The following GABBR2 variants were observed in gnomAD, a reference collection of about 807,000 sequenced individuals.
GABBR2 encodes G-protein coupled receptor 51.
Under a neutral mutation model 105.6 loss-of-function variants are expected in GABBR2, and 23 were observed. That is an observed-to-expected ratio of 0.22 (90% confidence interval 0.16 to 0.31). The LOEUF (loss-of-function observed/expected upper bound fraction) is 0.31, where lower values mean the gene tolerates loss of function less well. Ranked by LOEUF, GABBR2 falls within the 10% of genes least tolerant of loss-of-function variation. The pLI is 1.00. For synonymous variants in GABBR2, 478 were observed against 499.7 expected, an observed-to-expected ratio of 0.96 and a Z score of 0.58; for missense variants, 734 against 1,245.5, an observed-to-expected ratio of 0.59 and a Z score of 6.18.
chr9:98,561,296 A>G (rs947108944), intron 2 of GABBR2, among the ~76,000 whole-genome samples: 2 of 15,702 alleles, frequency 1.3e-4, no homozygotes, highest in African/African-American at 1.7e-3. Flanking sequence ...ATTCCACTGA[A>G]AAAAAAAAAC....
At chr9:98,404,948 G>C (rs1454170147) in intron 8 of GABBR2, among the ~76,000 whole-genome samples, 1 of 152,082 alleles carries the variant, frequency 6.6e-6, no homozygotes, top group Non-Finnish European at 1.5e-5. Context: ...AGATGATCAG[G>C]GGATCCACAC....
intron 6 of GABBR2, among the ~76,000 whole-genome samples, chr9:98,466,975 G>T (rs1353889178): frequency 1.3e-5 from 2 of 152,046 alleles, no homozygotes; most frequent in Non-Finnish European, 2.9e-5. Flanking sequence ...ATGGCTACTA[G>T]AAATCCAGCC....
intron 13 of GABBR2, among the ~76,000 whole-genome samples, chr9:98,324,874 C>A (rs1382261919): frequency 6.6e-6 from 1 of 152,144 alleles, no homozygotes; most frequent in Non-Finnish European, 1.5e-5. Context: ...GTTCTCAACT[C>A]ATCTCTCATA....
chr9:98,358,745 T>C (rs1831531593), intron 13 of GABBR2, among the ~76,000 whole-genome samples: 1 of 152,150 alleles, frequency 6.6e-6, no homozygotes. Flanking sequence ...AGGGGCGTCA[T>C]GGAGTCAGGC....
intron 17 of GABBR2, among the ~76,000 whole-genome samples, chr9:98,295,982 G>T (rs79487339): frequency 1.3e-5 from 2 of 152,218 alleles, no homozygotes; most frequent in Admixed American, 6.5e-5. Flanking sequence ...TGTTGATGGA[G>T]GCTTTACAGA....
intron 13 of GABBR2, among the ~76,000 whole-genome samples, chr9:98,333,596 C>T (rs560865596): frequency 1.1e-4 from 16 of 152,244 alleles, no homozygotes; most frequent in African/African-American, 3.6e-4. Context: ...CACCTGTCAT[C>T]GAGTTTAGGG....
chr9:98,484,976 G>A (rs1001294065), intron 4 of GABBR2, among the ~76,000 whole-genome samples: 1 of 152,206 alleles, frequency 6.6e-6, no homozygotes, highest in African/African-American at 2.4e-5. Flanking sequence ...AGGGCTTGGG[G>A]CAGTTTAGGC....
intron 1 of GABBR2, among the ~76,000 whole-genome samples, chr9:98,641,782 A>T (rs995289463): frequency 6.6e-6 from 1 of 152,240 alleles, no homozygotes; most frequent in East Asian, 1.9e-4. Context: ...AAGAGGAGGA[A>T]CCAAATTATT....
At chr9:98,355,313 A>C (rs1414162293) in intron 13 of GABBR2, among the ~76,000 whole-genome samples, 2 of 152,188 alleles carry the variant, frequency 1.3e-5, no homozygotes, top group Non-Finnish European at 2.9e-5. Context: ...AAGTGAGTAA[A>C]CGCTATCAGA....
chr9:98,500,525 G>A (rs1372746610), intron 3 of GABBR2, among the ~76,000 whole-genome samples: 2 of 152,234 alleles, frequency 1.3e-5, no homozygotes, highest in African/African-American at 4.8e-5. Flanking sequence ...GCTCCCTAAA[G>A]GCCAGGGCCT....
At chr9:98,700,731 C>A (rs144252849) in intron 1 of GABBR2, among the ~76,000 whole-genome samples, 2 of 152,330 alleles carry the variant, frequency 1.3e-5, no homozygotes, top group Non-Finnish European at 2.9e-5. Flanking sequence ...TGGCCATTGA[C>A]TATTTCTGGC....
chr9:98,608,423 T>G (rs535452185), intron 1 of GABBR2, among the ~76,000 whole-genome samples: 1 of 152,220 alleles, frequency 6.6e-6, no homozygotes, highest in African/African-American at 2.4e-5. Flanking sequence ...ATTTTACTGT[T>G]GTATAATCAT....
At chr9:98,492,971 G>A (rs909786557) in intron 4 of GABBR2, among the ~76,000 whole-genome samples, 18 of 152,178 alleles carry the variant, frequency 1.2e-4, no homozygotes, top group African/African-American at 4.3e-4. Flanking sequence ...TAAGAAGTGT[G>A]TAGTTATGAC....
chr9:98,365,950 G>C (rs922702865), intron 12 of GABBR2, among the ~76,000 whole-genome samples: 1 of 152,140 alleles, frequency 6.6e-6, no homozygotes, highest in South Asian at 2.1e-4. Flanking sequence ...TCTGGGTTAC[G>C]TCAGTACTCA....
chr9:98,522,558 C>G (rs1827888552), intron 3 of GABBR2, among the ~76,000 whole-genome samples: 1 of 152,094 alleles, frequency 6.6e-6, no homozygotes, highest in Non-Finnish European at 1.5e-5. Flanking sequence ...GATGTAATGT[C>G]TAGAGAGCTT....
chr9:98,620,440 C>CT (rs1829653560), intron 1 of GABBR2, among the ~76,000 whole-genome samples: 3 of 151,972 alleles, frequency 2.0e-5, no homozygotes, highest in Admixed American at 6.6e-5. Flanking sequence ...AAAATCAATA[C>CT]TTTAAATTTC....
At chr9:98,691,481 C>G (rs1004478442) in intron 1 of GABBR2, among the ~76,000 whole-genome samples, 1 of 152,242 alleles carries the variant, frequency 6.6e-6, no homozygotes, top group Admixed American at 6.5e-5. Context: ...TCTCCGTTGA[C>G]TGGGGGGTTG....
chr9:98,672,489 T>G (rs1830419147), intron 1 of GABBR2, among the ~76,000 whole-genome samples: 1 of 152,270 alleles, frequency 6.6e-6, no homozygotes, highest in African/African-American at 2.4e-5. Context: ...AAAGTTTGAA[T>G]CTAAGCCTTC....
chr9:98,297,346 T>C (rs1320193104), intron 17 of GABBR2, among the ~76,000 whole-genome samples: 2 of 152,176 alleles, frequency 1.3e-5, no homozygotes, highest in Non-Finnish European at 2.9e-5. Context: ...CATGGTGGCT[T>C]ATGCCTGTAA....
Sources: gnomAD v4.1 joint callset for allele counts (sites outside exome capture counted in the v4.1 genomes callset) on GRCh38, gnomAD v4.1.1 for gene constraint, MANE v1.5 for transcripts, NCBI Gene and HGNC (gene_info 2026-07-23, HGNC 2026-07-21) for gene names.